Variants in PRSS3 observed in about 807,000 individuals in gnomAD.
The protein encoded by PRSS3 is serine protease 3, also known as trypsin-3.
In PRSS3, 14 loss-of-function variants were observed where a neutral mutation model predicts 20.8. The observed-to-expected ratio is 0.67, with a 90% CI of 0.44 to 1.05. The LOEUF (loss-of-function observed/expected upper bound fraction) is 1.05, where lower values mean the gene tolerates loss of function less well. Among genes scored for constraint, PRSS3 ranks in the 50% least tolerant of loss-of-function variants. PRSS3 has a pLI of 0.00. For synonymous variants in PRSS3, 91 were observed against 117.6 expected (o/e 0.77, Z 1.46); for missense variants, 237 against 306.4 (o/e 0.77, Z 1.69).
intron 1 of PRSS3, among the ~76,000 whole-genome samples, chr9:33,757,794 C>G (rs1437934411): frequency 6.6e-6 from 1 of 152,300 alleles, no homozygotes. Context: ...GCCCTTCCTA[C>G]CTGTCCCCTT....
At chr9:33,768,100 G>A (rs1823522393) in intron 1 of PRSS3, among the ~76,000 whole-genome samples, 1 of 152,200 alleles carries the variant, frequency 6.6e-6, no homozygotes, top group South Asian at 2.1e-4. Context: ...ACGTGGCTTT[G>A]GAACTAAACA....
rs1181362888 is a variant in PRSS3 at position 33,750,966 on chromosome 9, G to A, written c.-53+239G>A. 9.8e-7 allele frequency: 1 copy of A among 1,021,488 alleles called. No homozygotes were observed. Among genetic ancestry groups the A allele is most frequent in the Non-Finnish European group, 1.3e-6 (1 of 776,914 alleles). The allele number at this position is 1,021,488 out of a possible 1,614,324, so 63.3% of individuals were successfully genotyped here. A position where few individuals can be genotyped will look rare whatever the true frequency, so the allele number is the denominator to read the frequency against. ...GCCCTGGTGTCGCAGAAGCCCACCT[G>A]GGGCCCCCTCCGGGCTGCGGCACCG... On this transcript the variant is annotated intron_variant, in intron 1 of 5. Coordinates refer to the PRSS3 transcript ENST00000342836. This position sits in a 1 kb window ranked among gnomAD's most constrained non-coding sequence, Gnocchi z 4.8.
At chr9:33,768,804 C>A (rs2118884976) in intron 1 of PRSS3, among the ~76,000 whole-genome samples, 1 of 151,522 alleles carries the variant, frequency 6.6e-6, no homozygotes, top group Non-Finnish European at 1.5e-5. Context: ...TGCAGTGAGC[C>A]AAGATCATGC....
intron 1 of PRSS3, among the ~76,000 whole-genome samples, chr9:33,769,676 T>G (rs1587378212): frequency 6.6e-6 from 1 of 152,200 alleles, no homozygotes; most frequent in African/African-American, 2.4e-5. Context: ...TACTGCCACC[T>G]TGGGCCCAGG....
In PRSS3 at chr9:33,759,928, A is replaced by G. The variant is rs3855761; in HGVS notation, c.-53+9201A>G. Among the ~76,000 whole-genome samples the G allele has an allele frequency of 5.6e-3, 857 of 152,270 alleles. 4 individuals carry two copies. Among genetic ancestry groups the G allele is most frequent in the Non-Finnish European group, 0.01 (687 of 67,996 alleles). ...TGCTGAACAAGCCCACTGGCAGTGG[A>G]TGCTGAGGGAAGGAAGGAAGGAGTC... is the stretch of plus-strand genomic sequence containing the variant. On this transcript the variant is annotated intron_variant, in intron 1 of 5. Transcript: ENST00000342836.
chr9:33,757,743 G>A (rs1823018513), intron 1 of PRSS3, among the ~76,000 whole-genome samples: 1 of 152,090 alleles, frequency 6.6e-6, no homozygotes, highest in Non-Finnish European at 1.5e-5. Flanking sequence ...CTTGATAAAT[G>A]TTAGTTGACT....
chr9:33,772,163 C>T (rs1198905455), intron 1 of PRSS3, among the ~76,000 whole-genome samples: 4 of 152,032 alleles, frequency 2.6e-5, no homozygotes, highest in African/African-American at 7.2e-5. Flanking sequence ...TAAGCCACCG[C>T]GCGCAGCCCC....
chr9:33,770,804 C>G (rs7857425), intron 1 of PRSS3, among the ~76,000 whole-genome samples: 8,598 of 152,120 alleles, frequency 0.057, 844 homozygotes, highest in African/African-American at 0.2. Flanking sequence ...GTGGTACTGT[C>G]TTACCAGCCC....
intron 2 of PRSS3, among the ~76,000 whole-genome samples, chr9:33,797,138 C>T (rs527615277): frequency 1.2e-4 from 18 of 151,332 alleles, no homozygotes; most frequent in Admixed American, 3.3e-4. Flanking sequence ...TTAACTCAAA[C>T]TTCTCAGGAA....
In PRSS3 at chr9:33,750,914, CT is replaced by C. The variant is rs1370623516; in HGVS notation, c.-53+188del. 1 of 1,296,928 alleles carries C rather than the reference CT, an allele frequency of 7.7e-7. No homozygotes were observed. Among genetic ancestry groups the C allele is most frequent in the African/African-American group, 1.6e-5 (1 of 64,314 alleles). 80.3% of individuals were successfully genotyped at this position (1,296,928 alleles called of 1,614,324 possible). ...CTCAGGGACAGGGATGGAGGCTCCT[CT>C]AGGGGAGGACGGGAGGGGATGGAGG... On this transcript the variant is annotated intron_variant, in intron 1 of 5. Coordinates refer to the PRSS3 transcript ENST00000342836. The surrounding 1 kb of genome is among the most constrained non-coding windows in gnomAD (Gnocchi z 4.8).
chr9:33,780,192 G>C (rs1217269251), intron 1 of PRSS3, among the ~76,000 whole-genome samples: 1 of 152,072 alleles, frequency 6.6e-6, no homozygotes, highest in African/African-American at 2.4e-5. Flanking sequence ...ACATACAGAG[G>C]AAACCCCATC....
upstream of PRSS3, among the ~76,000 whole-genome samples, chr9:33,792,165 A>C (rs1587395683): frequency 1.3e-5 from 2 of 152,286 alleles, no homozygotes; most frequent in Middle Eastern, 6.8e-3. Flanking sequence ...GGGAGATAAG[A>C]AGCTTAGAAA....
chr9:33,784,188 T>A (rs1183946992), intron 1 of PRSS3, among the ~76,000 whole-genome samples: 2 of 152,042 alleles, frequency 1.3e-5, no homozygotes, highest in African/African-American at 2.4e-5. Context: ...GCAGTTTTGT[T>A]TTTTGTTTTT....
upstream of PRSS3, among the ~76,000 whole-genome samples, chr9:33,794,281 TG>T (rs967312638): frequency 6.6e-6 from 1 of 152,242 alleles, no homozygotes; most frequent in African/African-American, 2.4e-5. Flanking sequence ...TGCTCACTCC[TG>T]CCCATCACCA....
upstream of PRSS3, among the ~76,000 whole-genome samples, chr9:33,790,828 T>C (rs1480015613): frequency 6.6e-6 from 1 of 152,134 alleles, no homozygotes; most frequent in African/African-American, 2.4e-5. Flanking sequence ...ATTCAATAAA[T>C]ATTTGTGAGT....
At chr9:33,796,886 G>C (rs1824982466) in intron 2 of PRSS3, 84 bp downstream of exon 2, 2 of 1,609,440 alleles carry the variant, frequency 1.2e-6, no homozygotes, top group Non-Finnish European at 1.7e-6. Context: ...TACTGAGGTT[G>C]GGTAAGACGG....
chr9:33,793,661 G>T, upstream of PRSS3: 1 of 974,780 alleles, frequency 1.0e-6, no homozygotes, highest in South Asian at 4.8e-5. Context: ...TCTCCTTTTA[G>T]ATGTCACCTG....
intron 1 of PRSS3, among the ~76,000 whole-genome samples, chr9:33,755,118 G>T (rs1199817269): frequency 1.3e-5 from 2 of 152,294 alleles, no homozygotes; most frequent in East Asian, 1.9e-4. Flanking sequence ...CATTCCGGAC[G>T]GGCACGCCAG....
intron 4 of PRSS3, 88 bp from the exon 5 acceptor site, chr9:33,798,940 G>A: frequency 2.0e-6 from 3 of 1,527,214 alleles, no homozygotes; most frequent in South Asian, 1.1e-5. Flanking sequence ...GAGCTGGCTG[G>A]AAAGGGGTCT....
Sources: gnomAD v4.1 joint callset for allele counts (sites outside exome capture counted in the v4.1 genomes callset) on GRCh38, gnomAD v4.1.1 for gene constraint, Gnocchi (gnomAD v3.1) non-coding constraint, MANE v1.5 for transcripts, NCBI Gene and HGNC (gene_info 2026-07-23, HGNC 2026-07-21) for gene names.